SCTR: variants seen among roughly 807,000 people sequenced by gnomAD.
SCTR encodes secretin receptor.
SCTR carries 56 observed loss-of-function variants against 60.8 expected under a neutral mutation model. The ratio of observed to expected loss-of-function variants is 0.92; its 90% CI spans 0.74 to 1.15. The LOEUF (loss-of-function observed/expected upper bound fraction) is 1.15. Among genes scored for constraint, SCTR ranks in the 50% most tolerant of loss-of-function variants. The pLI is 0.00. For missense variants in SCTR, 562 were observed against 550.4 expected (o/e 1.02, Z -0.21); for synonymous variants, 202 against 217.0 (o/e 0.93, Z 0.61).
intron 4 of SCTR, among the ~76,000 whole-genome samples, chr2:119,470,602 G>T (rs1676963522): frequency 6.6e-6 from 1 of 152,120 alleles, no homozygotes; most frequent in African/African-American, 2.4e-5. Context: ...CTTGGTTTGG[G>T]GATTTTACAG....
chr2:119,498,922 T>G (rs1678442091), intron 1 of SCTR, among the ~76,000 whole-genome samples: 1 of 151,994 alleles, frequency 6.6e-6, no homozygotes. Context: ...ACACACCAAT[T>G]TTAAAAAGAG....
At chr2:119,459,123 G>C (rs1472513110) in intron 7 of SCTR, among the ~76,000 whole-genome samples, 1 of 152,142 alleles carries the variant, frequency 6.6e-6, no homozygotes, top group Non-Finnish European at 1.5e-5. Context: ...GCCCATAAAG[G>C]TATTCATCAC....
chr2:119,441,673 C>T (rs943886697), intron 11 of SCTR, 74 bp from the exon 12 acceptor site: 10 of 1,295,750 alleles, frequency 7.7e-6, no homozygotes, highest in South Asian at 2.5e-5. Context: ...GCCAGCTGCA[C>T]CCTCCCCAGG....
chr2:119,500,100 TC>T (rs1235498645), intron 1 of SCTR, among the ~76,000 whole-genome samples: 1 of 152,116 alleles, frequency 6.6e-6, no homozygotes, highest in Non-Finnish European at 1.5e-5. Flanking sequence ...TGAAAAATGC[TC>T]AACATCACTA....
chr2:119,504,922 A>G, intron 1 of SCTR, among the ~76,000 whole-genome samples: 1 of 152,202 alleles, frequency 6.6e-6, no homozygotes, highest in South Asian at 2.1e-4. Flanking sequence ...ACATGAAGAG[A>G]TAGTTTACAG....
chr2:119,492,922 T>C (rs555220123), intron 2 of SCTR, among the ~76,000 whole-genome samples: 68 of 152,116 alleles, frequency 4.5e-4, no homozygotes, highest in African/African-American at 1.5e-3. Context: ...TGGAGTGCAA[T>C]GACATGATCT....
rs150854023 is a variant in SCTR, at chr2:119,478,865, G to T, written c.247C>A (p.Arg83=). ...ISCWPSSVPG[R]MVEVECPRFL... ...CTCGGGCATTCCACCTCCACCATCC[G>T]GCCCGGCACAGAAGAGGGCCAGCAG... The change falls in exon 3 of 13, where the codon CGG becomes AGG. Residue 83 remains arginine, a synonymous_variant. Coordinates refer to ENST00000019103, the MANE Select transcript of SCTR (RefSeq NM_002980.3). The T allele has an allele frequency of 3.1e-6, 5 of 1,614,138 alleles. No individual in the cohort carries two copies. The East Asian group carries it at 8.9e-5, about 29-fold the overall frequency.
chr2:119,463,153 T>C (rs988749310), intron 6 of SCTR, among the ~76,000 whole-genome samples: 4 of 152,054 alleles, frequency 2.6e-5, no homozygotes, highest in African/African-American at 9.7e-5. Flanking sequence ...CTAATCTCAA[T>C]TTCCAATCTC....
intron 1 of SCTR, among the ~76,000 whole-genome samples, chr2:119,494,893 T>C (rs1478784918): frequency 6.6e-6 from 1 of 152,226 alleles, no homozygotes; most frequent in African/African-American, 2.4e-5. Flanking sequence ...TGTGTGAGTG[T>C]TTTCTTTTTT....
At chr2:119,450,714 A>T (rs1683129963) in intron 9 of SCTR, among the ~76,000 whole-genome samples, 1 of 152,158 alleles carries the variant, frequency 6.6e-6, no homozygotes, top group South Asian at 2.1e-4. Flanking sequence ...TCACACCTGC[A>T]ATTTCAGCAT....
At chr2:119,519,034 C>A (rs1358008104) in intron 1 of SCTR, among the ~76,000 whole-genome samples, 1 of 152,154 alleles carries the variant, frequency 6.6e-6, no homozygotes, top group African/African-American at 2.4e-5. Flanking sequence ...ATGGCATGAT[C>A]TCAGCTGACT....
chr2:119,490,380 C>T (rs957817659), intron 2 of SCTR, among the ~76,000 whole-genome samples: 1 of 152,198 alleles, frequency 6.6e-6, no homozygotes, highest in Admixed American at 6.5e-5. Flanking sequence ...AAATGAGGGC[C>T]GGGAGTGCTC....
chr2:119,494,601 A>G, intron 1 of SCTR, 53 bp from the exon 2 acceptor site: 1 of 1,601,288 alleles, frequency 6.2e-7, no homozygotes, highest in Non-Finnish European at 8.5e-7. Context: ...CAATTTTGCC[A>G]CATGGGGGAG....
At chr2:119,518,629 A>G (rs1357384463) in intron 1 of SCTR, among the ~76,000 whole-genome samples, 1 of 152,174 alleles carries the variant, frequency 6.6e-6, no homozygotes, top group Non-Finnish European at 1.5e-5. Context: ...TTGTAATGTA[A>G]GCAAGTAGAT....
chr2:119,443,641 G>A (rs916233222), intron 11 of SCTR, among the ~76,000 whole-genome samples: 4 of 152,112 alleles, frequency 2.6e-5, no homozygotes, highest in Non-Finnish European at 5.9e-5. Flanking sequence ...CTGCCTCCCA[G>A]GTTCAAGCAA....
intron 3 of SCTR, among the ~76,000 whole-genome samples, chr2:119,477,411 A>T (rs1451467362): frequency 6.6e-6 from 1 of 152,040 alleles, no homozygotes; most frequent in Admixed American, 6.6e-5. Context: ...GCTAATCAGG[A>T]ATACCTGTTT....
intron 1 of SCTR, among the ~76,000 whole-genome samples, chr2:119,498,207 T>C (rs1474258758): frequency 2.0e-5 from 3 of 152,182 alleles, no homozygotes; most frequent in African/African-American, 7.2e-5. Flanking sequence ...TACAGGAAGA[T>C]GGCACAATAT....
chr2:119,509,433 T>C (rs1330759519), intron 1 of SCTR, among the ~76,000 whole-genome samples: 2 of 152,170 alleles, frequency 1.3e-5, no homozygotes, highest in East Asian at 1.9e-4. Flanking sequence ...CAAAAGTAGA[T>C]GTCAATTTCC....
intron 1 of SCTR, among the ~76,000 whole-genome samples, chr2:119,513,776 C>T (rs1231061942): frequency 6.6e-6 from 1 of 152,146 alleles, no homozygotes; most frequent in Non-Finnish European, 1.5e-5. Flanking sequence ...TGTAACATTG[C>T]CTACTGTCTT....
Sources: gnomAD v4.1 joint callset for allele counts (sites outside exome capture counted in the v4.1 genomes callset) on GRCh38, gnomAD v4.1.1 for gene constraint, MANE v1.5 for transcripts, NCBI Gene and HGNC (gene_info 2026-07-23, HGNC 2026-07-21) for gene names.